ERCC6: variants seen among roughly 807,000 people sequenced by gnomAD.
ERCC6 encodes the protein DNA excision repair protein ERCC-6.
Under a neutral mutation model 158.7 loss-of-function variants are expected in ERCC6, and 116 were observed. The ratio of observed to expected loss-of-function variants is 0.73; its 90% CI spans 0.63 to 0.85. The LOEUF is 0.85. ERCC6 is among the 40% of genes least tolerant of loss of function. ERCC6 has a pLI of 0.00. For synonymous variants in ERCC6, 678 were observed against 659.3 expected (o/e 1.03, Z -0.43); for missense variants, 1,698 against 1,799.4 (o/e 0.94, Z 1.02).
At chr10:49,534,133 C>CAAA (rs746772551) in intron 1 of ERCC6, among the ~76,000 whole-genome samples, 173 of 59,342 alleles carry the variant, frequency 2.9e-3, no homozygotes, top group East Asian at 7.7e-3. Flanking sequence ...GACTCAATCT[C>CAAA]AAAAAAAAAA....
At chr10:49,475,495 T>C in intron 12 of ERCC6, 2 of 408,986 alleles carry the variant, frequency 4.9e-6, no homozygotes, top group South Asian at 1.9e-5. Context: ...CTGAAGAACC[T>C]CCTGTAGCAA....
chr10:49,441,620 C>T, the ERCC6 span, among the ~76,000 whole-genome samples: 1 of 152,016 alleles, frequency 6.6e-6, no homozygotes, highest in Admixed American at 6.6e-5. Context: ...GTCCCCCAGC[C>T]GCCGGCGTCT....
At chr10:49,435,085 G>A in the ERCC6 span, among the ~76,000 whole-genome samples, 2 of 152,120 alleles carry the variant, frequency 1.3e-5, no homozygotes, top group African/African-American at 4.8e-5. Context: ...CATTATTAGG[G>A]TGAAAGAGGT....
chr10:49,464,598 G>A (rs1850640030), intron 18 of ERCC6, among the ~76,000 whole-genome samples: 1 of 152,218 alleles, frequency 6.6e-6, no homozygotes, highest in Admixed American at 6.5e-5. Flanking sequence ...AGGCCCAGAG[G>A]CCCAGGGGGA....
chr10:49,488,814 C>T (rs184951097), intron 8 of ERCC6, among the ~76,000 whole-genome samples: 42 of 152,146 alleles, frequency 2.8e-4, no homozygotes, highest in African/African-American at 9.6e-4. Flanking sequence ...GACAGAGTCT[C>T]GCTCTGTCGC....
intron 1 of ERCC6, 104 bp from the exon 2 acceptor site, chr10:49,533,082 T>G: frequency 7.4e-7 from 1 of 1,347,582 alleles, no homozygotes; most frequent in Non-Finnish European, 1.0e-6. Context: ...GATCAAGTAA[T>G]AATCTTCCAA....
chr10:49,537,137 A>G (rs1837616229), intron 1 of ERCC6, among the ~76,000 whole-genome samples: 1 of 152,124 alleles, frequency 6.6e-6, no homozygotes, highest in African/African-American at 2.4e-5. Flanking sequence ...CGAGGTCAGA[A>G]GTTCGAGACC....
chr10:49,513,921 G>C (rs573195636), intron 5 of ERCC6, among the ~76,000 whole-genome samples: 2 of 152,040 alleles, frequency 1.3e-5, no homozygotes, highest in Admixed American at 1.3e-4. Context: ...TTACCAATGA[G>C]TTAAGGGAAA....
At chr10:49,526,127 A>ATT (rs1564443962) in intron 4 of ERCC6, among the ~76,000 whole-genome samples, 4 of 14,424 alleles carry the variant, frequency 2.8e-4, no homozygotes, top group African/African-American at 6.1e-4. Context: ...TTATATATAT[A>ATT]TATATATATA....
Position 49,532,803 on chromosome 10 carries a change from C to T in ERCC6, c.162G>A (p.Leu54=). ...YLSFRSVGDG[L]STSAVGCASA... The stretch of plus-strand genomic sequence containing the variant: ...ATGCGCACCCCACAGCAGAGGTGGA[C>T]AGCCCGTCACCCACAGAACGAAAGG... The change falls in exon 2 of 21, where the codon CTG becomes CTA. Residue 54 remains leucine, a synonymous_variant. Transcript: ENST00000355832. 2 of 1,614,226 alleles carry T rather than the reference C, an allele frequency of 1.2e-6. No individual in the cohort carries two copies. Among genetic ancestry groups the T allele is most frequent in the Non-Finnish European group, 1.7e-6 (2 of 1,180,040 alleles).
chr10:49,516,622 A>T (rs745575045), intron 5 of ERCC6: 2 of 1,614,198 alleles, frequency 1.2e-6, no homozygotes, highest in South Asian at 2.2e-5. Context: ...CTGCAAGCAT[A>T]TAAGTTGGAG....
Position 49,505,918 on chromosome 10 carries a change from T to C in ERCC6, c.1492A>G (p.Lys498Glu). Residue 498 changes from lysine to glutamate, a missense_variant, in exon 6 of 21, where the codon AAA becomes GAA. Lys to Glu is a moderately conservative substitution (Grantham distance 56). Coordinates refer to ENST00000355832, the MANE Select transcript of ERCC6 (RefSeq NM_000124.4). ...ESDAEFDEGF[K>E]VPGFLFKKLF... ...TTTTTGAACAGAAAACCTGGCACTTTAAAACCTTCGTCAAATTCAGCATCA... is the reference window on the plus strand; with the variant it reads ...TTTTTGAACAGAAAACCTGGCACTTCAAAACCTTCGTCAAATTCAGCATCA... 1.2e-6 allele frequency: 2 copies of C among 1,613,442 alleles called. No individual in the cohort carries two copies. The highest frequency in any genetic ancestry group is 1.7e-6 in the Non-Finnish European group (2 of 1,179,578).
intron 8 of ERCC6, among the ~76,000 whole-genome samples, chr10:49,492,481 C>CA (rs1314974144): frequency 6.6e-6 from 1 of 152,190 alleles, no homozygotes; most frequent in Non-Finnish European, 1.5e-5. Flanking sequence ...ACAGAGCTCA[C>CA]AGTCTGGATG....
intron 1 of ERCC6, among the ~76,000 whole-genome samples, chr10:49,537,356 AAAAG>A (rs897837682): frequency 2.6e-5 from 4 of 151,612 alleles, no homozygotes; most frequent in Non-Finnish European, 5.9e-5. Flanking sequence ...AAAAAAAAAA[AAAAG>A]AAAGAAAGAA....
At chr10:49,529,586 T>G (rs1366985242) in intron 3 of ERCC6, among the ~76,000 whole-genome samples, 2 of 152,110 alleles carry the variant, frequency 1.3e-5, no homozygotes, top group Non-Finnish European at 2.9e-5. Context: ...GGGCTGCTAT[T>G]CTGGAAGCAA....
chr10:49,511,564 A>C (rs1182620140), intron 5 of ERCC6, among the ~76,000 whole-genome samples: 1 of 152,142 alleles, frequency 6.6e-6, no homozygotes, highest in Non-Finnish European at 1.5e-5. Flanking sequence ...AGCTAGGACT[A>C]CAGGCATGCG....
Position 49,492,528 on chromosome 10 carries a change from G to A in ERCC6, c.1821+589C>T, listed in dbSNP as rs56105202. Among the ~76,000 whole-genome samples, 1,025 of 152,232 alleles carry A rather than the reference G, an allele frequency of 6.7e-3. 10 individuals carry two copies. The highest frequency in any genetic ancestry group is 0.024 in the African/African-American group (978 of 41,554). On this transcript the variant is annotated intron_variant, in intron 8 of 20. Coordinates refer to ENST00000355832, the MANE Select transcript of ERCC6 (RefSeq NM_000124.4). The stretch of plus-strand genomic sequence containing the variant: ...GAGAAGAAAAAAGGAAGAATACAAC[G>A]TATCTATGCTACCCACAGGAGCACA...
intron 2 of ERCC6, 60 bp downstream of exon 2, chr10:49,532,483 C>G: frequency 6.2e-7 from 1 of 1,605,336 alleles, no homozygotes; most frequent in Non-Finnish European, 8.5e-7. Flanking sequence ...TTTCCATTAC[C>G]TGAATATCCC....
the ERCC6 span, among the ~76,000 whole-genome samples, chr10:49,442,157 T>TA: frequency 6.6e-6 from 1 of 152,202 alleles, no homozygotes; most frequent in Non-Finnish European, 1.5e-5. Flanking sequence ...GCAGAAGAGT[T>TA]AAACAAATGC....
Sources: gnomAD v4.1 joint callset for allele counts (sites outside exome capture counted in the v4.1 genomes callset) on GRCh38, gnomAD v4.1.1 for gene constraint, MANE v1.5 for transcripts, NCBI Gene and HGNC (gene_info 2026-07-23, HGNC 2026-07-21) for gene names.